Variants in MGAT1 observed in about 807,000 individuals in gnomAD.
MGAT1 encodes the protein alpha-1,3-mannosyl-glycoprotein 2-beta-N-acetylglucosaminyltransferase.
In MGAT1, 14 loss-of-function variants were observed where a neutral mutation model predicts 31.7. That is an observed-to-expected ratio of 0.44 (90% CI 0.29 to 0.69). The LOEUF is 0.69. MGAT1 is among the 30% of genes least tolerant of loss of function. The probability of loss-of-function intolerance (pLI) is 0.12; values close to 1 mark genes in which losing one functional copy is unlikely to be tolerated. For missense variants in MGAT1, 557 were observed against 626.0 expected, an observed-to-expected ratio of 0.89 and a Z score of 1.18; for synonymous variants, 338 against 276.0, an observed-to-expected ratio of 1.22 and a Z score of -2.23.
In MGAT1 at chr5:180,791,655, G is replaced by A. The variant is rs1457734369; in HGVS notation, c.1317C>T (p.Gly439=). ...VHLAPPLTWE[G]YDPSWN ...GGTGCTAATTCCAGCTAGGATCATA[G>A]CCCTCCCACGTCAGTGGGGGCGCCA... The change falls in exon 2 of 2, where the codon GGC becomes GGT. Residue 439 remains glycine, a synonymous_variant. Coordinates refer to ENST00000307826, the MANE Select transcript of MGAT1 (RefSeq NM_002406.4). 21 of 1,613,550 alleles carry A rather than the reference G, an allele frequency of 1.3e-5. No individual in the cohort carries two copies. The highest frequency in any genetic ancestry group is 5.0e-5 in the Admixed American group (3 of 60,008).
Position 180,788,720 on chromosome 5 carries a change from CTAAGTAAGTTGGTA to C in MGAT1, c.*2900_*2913del, listed in dbSNP as rs1767750540. 2.2e-5 allele frequency: 3 copies of C among 137,738 alleles called. No homozygotes were observed. The highest frequency in any genetic ancestry group is 8.1e-5 in the African/African-American group (3 of 37,004). The allele number at this position is 137,738 out of a possible 1,614,324, so 8.5% of individuals were successfully genotyped here. A position where few individuals can be genotyped will look rare whatever the true frequency, so the allele number is the denominator to read the frequency against. Reference sequence around the variant, plus strand: ...GTAAGTTGGTACTTATCCTGGAGCACTAAGTAAGTTGGTACTTATCCTGGAGCACTAAGTAAGTT... The same window carrying C: ...GTAAGTTGGTACTTATCCTGGAGCACCTTATCCTGGAGCACTAAGTAAGTT... On this transcript the variant is annotated 3_prime_UTR_variant, in exon 2 of 2. Transcript: ENST00000307826.
rs1768220937 is a variant in MGAT1 at position 180,792,051 on chromosome 5, C to T, written c.921G>A (p.Glu307=). ...QRQGRACIRP[E]ISRTMTFGRK... ...GGCCAAAGGTCATCGTTCTTGAGAT[C>T]TCAGGGCGTATGCAGGCCCGCCCCT... The change falls in exon 2 of 2, where the codon GAG becomes GAA. Residue 307 remains glutamate, a synonymous_variant. Coordinates refer to ENST00000307826, the MANE Select transcript of MGAT1 (RefSeq NM_002406.4). 3 of 1,613,680 alleles carry T rather than the reference C, an allele frequency of 1.9e-6. No homozygotes were observed. In the African/African-American group the frequency reaches 4.0e-5, roughly 22 times the overall value.
At position 180,792,794 on chromosome 5, in the gene MGAT1, C is replaced by T. The variant is rs1248039498; in HGVS notation, c.178G>A (p.Asp60Asn). The change falls in exon 2 of 2, where the codon GAC (aspartate) becomes AAC (asparagine). Residue 60 changes from aspartate to asparagine, a missense_variant. This residue lies in a region of MGAT1 where 167 missense variants were observed against 149.8 expected (regional missense o/e 1.11). Transcript: ENST00000307826. The stretch of plus-strand genomic sequence containing the variant: ...TGCCGCTCCAGCTCCACCTCGGCGT[C>T]TTGGGCCAGGCGAATCACTTCCCGG... ...LTREVIRLAQ[D>N]AEVELERQRG... 6.4e-6 allele frequency: 10 copies of T among 1,554,260 alleles called. No individual in the cohort carries two copies. In the African/African-American group the frequency reaches 1.2e-4, roughly 19 times the overall value.
At chr5:180,805,122 C>T (rs1162993549), upstream of MGAT1, among the ~76,000 whole-genome samples, 1 of 152,086 alleles carries the variant, frequency 6.6e-6, no homozygotes, top group East Asian at 1.9e-4. Flanking sequence ...GGAGCAGTGA[C>T]TGGAGTAAGA....
Position 180,791,449 on chromosome 5 carries a change from G to T in MGAT1, c.*185C>A, listed in dbSNP as rs1768062383. On this transcript the variant is annotated 3_prime_UTR_variant, in exon 2 of 2. Transcript: ENST00000307826. The stretch of plus-strand genomic sequence containing the variant: ...TACCCTAGAATAGTTCCCCTGATCT[G>T]ACTCCCTTGAGAACGGGAGAATAAT... 1.4e-6 allele frequency: 1 copy of T among 734,180 alleles called. No homozygotes were observed. Among genetic ancestry groups the T allele is most frequent in the Non-Finnish European group, 2.2e-6 (1 of 448,084 alleles). 45.5% of individuals were successfully genotyped at this position (734,180 alleles called of 1,614,324 possible). A position where few individuals can be genotyped will look rare whatever the true frequency, so the allele number is the denominator to read the frequency against.
chr5:180,799,255 C>T (rs1304312104), intron 1 of MGAT1, among the ~76,000 whole-genome samples: 1 of 152,292 alleles, frequency 6.6e-6, no homozygotes, highest in East Asian at 1.9e-4. Flanking sequence ...CCTCCAACCA[C>T]TAACCCCATG....
In MGAT1 at chr5:180,791,455, C is replaced by G; in HGVS notation, c.*179G>C. Reference sequence around the variant, plus strand: ...AGAATAGTTCCCCTGATCTGACTCCCTTGAGAACGGGAGAATAATCCTCTT... The same window carrying G: ...AGAATAGTTCCCCTGATCTGACTCCGTTGAGAACGGGAGAATAATCCTCTT... On this transcript the variant is annotated 3_prime_UTR_variant, in exon 2 of 2. Transcript: ENST00000307826. 1.3e-6 allele frequency: 1 copy of G among 774,142 alleles called. No individual in the cohort carries two copies. The highest frequency in any genetic ancestry group is 1.9e-5 in the South Asian group (1 of 53,430). 48.0% of individuals were successfully genotyped at this position (774,142 alleles called of 1,614,324 possible).
intron 1 of MGAT1, among the ~76,000 whole-genome samples, chr5:180,797,665 G>C (rs944678090): frequency 5.9e-5 from 9 of 152,134 alleles, no homozygotes; most frequent in Admixed American, 3.3e-4. Context: ...TTTTTACTTG[G>C]CAAGTCTGCA....
At position 180,793,006 on chromosome 5, in the gene MGAT1, G is replaced by A. The variant is rs776822064; in HGVS notation, c.-35C>T. 15 of 1,609,614 alleles carry A rather than the reference G, an allele frequency of 9.3e-6. No individual in the cohort carries two copies. Among genetic ancestry groups the A allele is most frequent in the South Asian group, 6.6e-5 (6 of 90,402 alleles). ...CACCGGGGAGGGCAGGCCAGGGGAC[G>A]GTTCAAGGCTGCCCTGGGCTTGCCC... On this transcript the variant is annotated 5_prime_UTR_variant, in exon 2 of 2. Coordinates refer to ENST00000307826, the MANE Select transcript of MGAT1 (RefSeq NM_002406.4).
rs1037379377 is a variant in MGAT1 at position 180,787,635 on chromosome 5, T to C, written c.*3999A>G. On this transcript the variant is annotated 3_prime_UTR_variant, in exon 2 of 2. Transcript: ENST00000307826. Reference sequence around the variant, plus strand: ...CAGTATGTTGTATCTAAAATGAACATGTAATACGAAAAGCCAGTAGCTGGT... The same window carrying C: ...CAGTATGTTGTATCTAAAATGAACACGTAATACGAAAAGCCAGTAGCTGGT... The C allele has an allele frequency of 6.6e-6, 1 of 152,218 alleles. No individual in the cohort carries two copies. The highest frequency in any genetic ancestry group is 1.5e-5 in the Non-Finnish European group (1 of 68,038). The allele number at this position is 152,218 out of a possible 1,614,324, so 9.4% of individuals were successfully genotyped here.
upstream of MGAT1, chr5:180,803,642 C>G (rs3806865): frequency 0.12 from 18,863 of 152,340 alleles, 1,236 homozygotes; most frequent in East Asian, 0.25. Context: ...GGGAGGAGGA[C>G]AGACGCAGAA....
intron 1 of MGAT1, among the ~76,000 whole-genome samples, chr5:180,802,468 G>A (rs1221070584): frequency 6.6e-6 from 1 of 152,160 alleles, no homozygotes; most frequent in Admixed American, 6.5e-5. Context: ...CCGGGATTCC[G>A]AAAGCAGAAG....
chr5:180,808,950 C>T (rs1188323216), exon 2 of MGAT1: 1 of 152,196 alleles, frequency 6.6e-6, no homozygotes, highest in Admixed American at 6.5e-5. Context: ...AGATACTATC[C>T]CATCTCTTGC....
rs760243848 is a variant in MGAT1, at chr5:180,792,242, T to G, written c.730A>C (p.Asn244His). ...SLWCVSAWND[N>H]GKEQMVDASR... ...GCGTCCACCATCTGCTCCTTGCCGT[T>G]GTCATTCCAGGCCGAGACGCACCAC... Residue 244 changes from asparagine (N) to histidine (H), a missense_variant, in exon 2 of 2, where the codon AAC (asparagine) becomes CAC (histidine). Coordinates refer to ENST00000307826, the MANE Select transcript of MGAT1 (RefSeq NM_002406.4). 7 of 1,613,076 alleles carry G rather than the reference T, an allele frequency of 4.3e-6. No individual in the cohort carries two copies. The East Asian group carries it at 1.6e-4, about 36-fold the overall frequency.
At position 180,787,539 on chromosome 5, in the gene MGAT1, T is replaced by G. The variant is rs754017207; in HGVS notation, c.*4095A>C. 1 of 152,248 alleles carries G rather than the reference T, an allele frequency of 6.6e-6. No homozygotes were observed. Among genetic ancestry groups the G allele is most frequent in the East Asian group, 1.9e-4 (1 of 5,202 alleles). 9.4% of individuals were successfully genotyped at this position (152,248 alleles called of 1,614,324 possible). A position where few individuals can be genotyped will look rare whatever the true frequency, so the allele number is the denominator to read the frequency against. ...GTAAATGTTTTATCTATGCATATTA[T>G]GTATAGATGTGAGGAAGACGTCTGG... On this transcript the variant is annotated 3_prime_UTR_variant, in exon 2 of 2. Transcript: ENST00000307826.
intron 1 of MGAT1, among the ~76,000 whole-genome samples, chr5:180,794,417 A>ATATATATATATATG (rs1561832349): frequency 6.1e-5 from 9 of 148,146 alleles, no homozygotes; most frequent in African/African-American, 2.3e-4. Context: ...TTTATTATAT[A>ATATATATATATATG]TATATATATA....
intron 1 of MGAT1, among the ~76,000 whole-genome samples, chr5:180,796,785 T>C (rs1769482748): frequency 6.6e-6 from 1 of 152,126 alleles, no homozygotes; most frequent in Non-Finnish European, 1.5e-5. Context: ...CTAATTTTTG[T>C]ATTTTTAATA....
At chr5:180,807,382 G>C (rs555989040), upstream of MGAT1, among the ~76,000 whole-genome samples, 1 of 152,248 alleles carries the variant, frequency 6.6e-6, no homozygotes, top group South Asian at 2.1e-4. Flanking sequence ...TCTTGGCACA[G>C]GTAAATTGGA....
intron 1 of MGAT1, among the ~76,000 whole-genome samples, chr5:180,799,508 G>A (rs1017671340): frequency 1.3e-5 from 2 of 152,214 alleles, no homozygotes; most frequent in Middle Eastern, 3.4e-3. Context: ...AGAATCTGTG[G>A]CCACGCTGAC....
Sources: allele counts gnomAD v4.1 joint callset (sites outside exome capture counted in the v4.1 genomes callset), GRCh38; gene constraint gnomAD v4.1.1; regional missense constraint gnomAD v4.1.1; transcripts MANE v1.5; gene names NCBI Gene and HGNC (gene_info 2026-07-23, HGNC 2026-07-21).